EYS: variants seen among roughly 807,000 people sequenced by gnomAD.
EYS encodes protein eyes shut homolog.
In EYS, 250 loss-of-function variants were observed where a neutral mutation model predicts 282.1. The observed-to-expected ratio is 0.89, with a 90% CI of 0.80 to 0.98. The LOEUF is 0.98. Ranked by LOEUF, EYS falls within the 50% of genes least tolerant of loss-of-function variation. The pLI, the probability that EYS is intolerant of heterozygous loss-of-function variation, is 0.00. For synonymous variants in EYS, 1,355 were observed against 1,282.9 expected, an observed-to-expected ratio of 1.06 and a Z score of -1.20; for missense variants, 4,016 against 3,709.0, an observed-to-expected ratio of 1.08 and a Z score of -2.15.
chr6:64,498,132 G>C (rs977470858), intron 26 of EYS, among the ~76,000 whole-genome samples: 27 of 152,076 alleles, frequency 1.8e-4, no homozygotes, highest in African/African-American at 6.3e-4. Context: ...GCATCAATCA[G>C]TATATTTCAT....
chr6:65,515,557 A>C (rs1164837203), intron 2 of EYS, among the ~76,000 whole-genome samples: 1 of 152,002 alleles, frequency 6.6e-6, no homozygotes, highest in African/African-American at 2.4e-5. Context: ...TCCAACAATG[A>C]TAGACTGGAT....
chr6:64,459,770 TAGATAGTGCCAGCC>T (rs1219375157), intron 26 of EYS, among the ~76,000 whole-genome samples: 1 of 152,184 alleles, frequency 6.6e-6, no homozygotes, highest in Non-Finnish European at 1.5e-5. Flanking sequence ...GACAGCTGAT[TAGATAGTGCCAGCC>T]AGATTGAGGG....
chr6:63,946,140 G>A (rs1324020986), intron 35 of EYS, among the ~76,000 whole-genome samples: 1 of 152,166 alleles, frequency 6.6e-6, no homozygotes, highest in African/African-American at 2.4e-5. Context: ...CCCATCCAAG[G>A]TTTCAAGTGG....
chr6:65,396,167 C>A (rs1256150629), intron 7 of EYS, among the ~76,000 whole-genome samples: 1 of 152,080 alleles, frequency 6.6e-6, no homozygotes, highest in Non-Finnish European at 1.5e-5. Context: ...TTATTTGCAA[C>A]ATTAGCATCT....
At chr6:64,922,667 A>T (rs1282208202) in intron 15 of EYS, among the ~76,000 whole-genome samples, 1 of 152,164 alleles carries the variant, frequency 6.6e-6, no homozygotes, top group East Asian at 1.9e-4. Context: ...CCTCTCCATG[A>T]TAGCAGTGCA....
intron 37 of EYS, among the ~76,000 whole-genome samples, chr6:63,794,464 A>G (rs1261348057): frequency 2.0e-5 from 3 of 152,230 alleles, no homozygotes; most frequent in Non-Finnish European, 4.4e-5. Flanking sequence ...TTGGAGGATC[A>G]AACATGGAGG....
intron 35 of EYS, among the ~76,000 whole-genome samples, chr6:63,961,946 A>G (rs1222305247): frequency 6.6e-6 from 1 of 152,212 alleles, no homozygotes; most frequent in African/African-American, 2.4e-5. Flanking sequence ...TGTTAATTTG[A>G]TAATGCTGCA....
chr6:65,031,512 A>T (rs779727907), intron 13 of EYS, among the ~76,000 whole-genome samples: 1 of 152,116 alleles, frequency 6.6e-6, no homozygotes, highest in Non-Finnish European at 1.5e-5. Flanking sequence ...TCAAAAAAAC[A>T]AAATCATACC....
intron 12 of EYS, among the ~76,000 whole-genome samples, chr6:65,059,778 A>T (rs539204114): frequency 6.6e-6 from 1 of 152,144 alleles, no homozygotes; most frequent in African/African-American, 2.4e-5. Context: ...ACTGAGGGAA[A>T]CCTGTTTGTC....
intron 30 of EYS, among the ~76,000 whole-genome samples, chr6:64,259,889 T>G (rs775306896): frequency 6.6e-6 from 1 of 152,098 alleles, no homozygotes; most frequent in Non-Finnish European, 1.5e-5. Flanking sequence ...CCATAATTAT[T>G]TCAATATTTT....
At chr6:65,598,455 T>C (rs1051790905) in intron 2 of EYS, among the ~76,000 whole-genome samples, 1 of 152,052 alleles carries the variant, frequency 6.6e-6, no homozygotes, top group Non-Finnish European at 1.5e-5. Flanking sequence ...ACCTGGAGTA[T>C]AGCCAATCAA....
chr6:63,769,212 A>G (rs1443230116), intron 40 of EYS, among the ~76,000 whole-genome samples: 1 of 152,116 alleles, frequency 6.6e-6, no homozygotes, highest in East Asian at 1.9e-4. Flanking sequence ...GACACCCTGA[A>G]CCTAAAAGAA....
chr6:64,890,047 C>G (rs1345686195), intron 18 of EYS, among the ~76,000 whole-genome samples: 4 of 17,664 alleles, frequency 2.3e-4, no homozygotes, highest in Non-Finnish European at 6.3e-4. Flanking sequence ...CTATAAATGC[C>G]CCCCCCCCCC....
At chr6:64,880,851 T>A (rs934998878) in intron 19 of EYS, among the ~76,000 whole-genome samples, 2 of 150,626 alleles carry the variant, frequency 1.3e-5, no homozygotes, top group Non-Finnish European at 3.0e-5. Context: ...CACACACATA[T>A]ATTTCTATAC....
intron 12 of EYS, among the ~76,000 whole-genome samples, chr6:65,128,060 T>C (rs1233357050): frequency 3.3e-5 from 5 of 152,010 alleles, no homozygotes; most frequent in Non-Finnish European, 7.4e-5. Context: ...AATCTGGTCT[T>C]CCAGTAAGAA....
intron 12 of EYS, among the ~76,000 whole-genome samples, chr6:65,283,725 T>C (rs1768285080): frequency 1.3e-5 from 2 of 152,190 alleles, no homozygotes; most frequent in East Asian, 1.9e-4. Flanking sequence ...CTATGCCTTT[T>C]TAAGAAAACA....
At chr6:64,285,092 T>C (rs1011533286) in intron 30 of EYS, among the ~76,000 whole-genome samples, 5 of 152,200 alleles carry the variant, frequency 3.3e-5, no homozygotes, top group African/African-American at 1.2e-4. Context: ...GATTTTATTT[T>C]CTATCCCATT....
intron 26 of EYS, among the ~76,000 whole-genome samples, chr6:64,466,348 C>T (rs1044970005): frequency 1.3e-5 from 2 of 152,068 alleles, no homozygotes; most frequent in African/African-American, 4.8e-5. Context: ...TAAAATCAAT[C>T]TAAATATCCA....
intron 29 of EYS, among the ~76,000 whole-genome samples, chr6:64,353,056 T>A (rs1489974582): frequency 6.6e-6 from 1 of 151,400 alleles, no homozygotes; most frequent in Non-Finnish European, 1.5e-5. Flanking sequence ...TGGTTACCAG[T>A]ATAGGGAAGA....
Sources: allele counts gnomAD v4.1 joint callset (sites outside exome capture counted in the v4.1 genomes callset), GRCh38; gene constraint gnomAD v4.1.1; transcripts MANE v1.5; gene names NCBI Gene and HGNC (gene_info 2026-07-23, HGNC 2026-07-21).